CCDC88C: variants seen among roughly 807,000 people sequenced by gnomAD.
CCDC88C encodes the protein protein Daple.
A neutral mutation model predicts 198.8 loss-of-function variants in CCDC88C; 131 were observed. The ratio of observed to expected loss-of-function variants is 0.66; its 90% CI spans 0.57 to 0.76. The LOEUF (loss-of-function observed/expected upper bound fraction) is 0.76. CCDC88C is among the 30% of genes least tolerant of loss of function. CCDC88C has a pLI of 0.00. For missense variants in CCDC88C, 2,553 were observed against 2,631.6 expected, an observed-to-expected ratio of 0.97 and a Z score of 0.65; for synonymous variants, 1,166 against 1,114.7, an observed-to-expected ratio of 1.05 and a Z score of -0.92.
chr14:91,359,523 G>T, intron 4 of CCDC88C, 119 bp downstream of exon 4: 2 of 740,400 alleles, frequency 2.7e-6, no homozygotes, highest in South Asian at 3.2e-5. Context: ...TCACCAAAAC[G>T]ATCACGTGTT....
Position 91,338,338 on chromosome 14 carries a change from A to G in CCDC88C, c.891+151T>C, listed in dbSNP as rs1596085645. On this transcript the variant is annotated intron_variant, in intron 9 of 29. Coordinates refer to ENST00000389857, the MANE Select transcript of CCDC88C (RefSeq NM_001080414.4). The surrounding 1 kb of genome is among the most constrained non-coding windows in gnomAD (Gnocchi z 4.8). ...GGGATCTCCACCTGCTGTCACTAAG[A>G]AACAGGGTCATCCCCATAGCCGTGC... The G allele has an allele frequency of 4.3e-6, 4 of 934,364 alleles. No homozygotes were observed. In the East Asian group the frequency reaches 1.1e-4, roughly 25 times the overall value. The allele number at this position is 934,364 out of a possible 1,614,324, so 57.9% of individuals were successfully genotyped here. A position where few individuals can be genotyped will look rare whatever the true frequency, so the allele number is the denominator to read the frequency against.
chr14:91,336,888 C>T (rs1018395447), intron 10 of CCDC88C, among the ~76,000 whole-genome samples: 11 of 152,242 alleles, frequency 7.2e-5, no homozygotes, highest in African/African-American at 2.4e-4. Context: ...CCGGCAAGCC[C>T]GACAGCTCCA....
intron 4 of CCDC88C, among the ~76,000 whole-genome samples, chr14:91,358,884 A>G (rs1254799799): frequency 6.6e-6 from 1 of 152,156 alleles, no homozygotes; most frequent in Non-Finnish European, 1.5e-5. Context: ...GCTGAGTCCA[A>G]CAGGGAGACA....
At chr14:91,333,908 A>G (rs1285551546) in intron 10 of CCDC88C, among the ~76,000 whole-genome samples, 1 of 152,222 alleles carries the variant, frequency 6.6e-6, no homozygotes, top group East Asian at 1.9e-4. Flanking sequence ...CAGTATTTTT[A>G]ACTGTTTCAC....
At chr14:91,299,788 C>T in intron 21 of CCDC88C, 139 bp downstream of exon 21, 1 of 1,179,004 alleles carries the variant, frequency 8.5e-7, no homozygotes, top group Admixed American at 3.0e-5. Flanking sequence ...GCTTATTTTA[C>T]CCACCCAGCT....
chr14:91,351,769 T>C (rs1449250370), intron 4 of CCDC88C, among the ~76,000 whole-genome samples: 1 of 152,064 alleles, frequency 6.6e-6, no homozygotes, highest in African/African-American at 2.4e-5. Flanking sequence ...CTCTAGTGTC[T>C]CTCTGCTGCC....
Position 91,314,157 on chromosome 14 carries a change from G to GA in CCDC88C, c.1666-8dup. The GA allele has an allele frequency of 6.2e-7, 1 of 1,600,568 alleles. No homozygotes were observed. Among genetic ancestry groups the GA allele is most frequent in the Non-Finnish European group, 8.5e-7 (1 of 1,173,812 alleles). On this transcript the variant is annotated splice_region_variant and splice_polypyrimidine_tract_variant and intron_variant, in intron 14 of 29. Transcript: ENST00000389857. ...CCTGCTCAAGGTCCTTGATCTACGG[G>GA]AAAACACAACAGGCACAACCCAGGC...
intron 3 of CCDC88C, among the ~76,000 whole-genome samples, chr14:91,360,054 T>C (rs1894236284): frequency 6.6e-6 from 1 of 152,218 alleles, no homozygotes. Flanking sequence ...ATAGATGACA[T>C]GCTAGGACAG....
chr14:91,294,061 A>T, intron 23 of CCDC88C, 112 bp downstream of exon 23: 1 of 1,233,334 alleles, frequency 8.1e-7, no homozygotes, highest in Non-Finnish European at 1.2e-6. Context: ...TGCCCTCAGG[A>T]TCCCAACGGG....
chr14:91,383,501 A>G (rs1232414201), intron 3 of CCDC88C, among the ~76,000 whole-genome samples: 2 of 152,102 alleles, frequency 1.3e-5, no homozygotes, highest in African/African-American at 4.8e-5. Flanking sequence ...AAGGGGGTGG[A>G]GAAAGTGGGG....
chr14:91,416,828 A>G lies in CCDC88C; in HGVS notation c.71T>C (p.Phe24Ser), dbSNP rs1753646398. 1.2e-6 allele frequency: 2 copies of G among 1,612,902 alleles called. No individual in the cohort carries two copies. The highest frequency in any genetic ancestry group is 1.7e-6 in the Non-Finnish European group (2 of 1,179,336). ...CTGGCTGCCGCTTCCAAACGGGCCA[A>G]AAGTTTTCACCTGCGGGGAGGGGGA... ...QSPLVTWVKT[F>S]GPFGSGSQDN... is the part of the protein sequence containing the mutation. Residue 24 changes from phenylalanine to serine, a missense_variant, in exon 2 of 30, where the codon TTT becomes TCT. Physicochemically the swap from Phe to Ser is radical, Grantham distance 155. Around this residue, in one of 2 missense-constraint regions of CCDC88C, gnomAD observed 1,260 missense variants for 1,412.0 expected, o/e 0.89. Coordinates refer to ENST00000389857, the MANE Select transcript of CCDC88C (RefSeq NM_001080414.4).
At position 91,397,705 on chromosome 14, in the gene CCDC88C, C is replaced by A. The variant is rs940968006; in HGVS notation, c.270+10954G>T. 1.1e-4 allele frequency among the ~76,000 whole-genome samples: 16 copies of A among 152,360 alleles called. 1 individual carries two copies. The South Asian group carries it at 3.3e-3, about 32-fold the overall frequency. ...AGTTTCAGAGGTGCCTGAAGCAACC[C>A]GGTCCCTTCCTCTGGGCTCCAGGCT... On this transcript the variant is annotated intron_variant, in intron 3 of 29. Transcript: ENST00000389857.
At chr14:91,278,237 G>T in intron 28 of CCDC88C, 26 bp from the exon 29 acceptor site, 2 of 1,567,684 alleles carry the variant, frequency 1.3e-6, no homozygotes, top group Non-Finnish European at 1.7e-6. Flanking sequence ...GGAGACAGAG[G>T]ACCCTCATCA....
At chr14:91,302,939 G>C (rs1035138899) in intron 20 of CCDC88C, among the ~76,000 whole-genome samples, 2 of 152,162 alleles carry the variant, frequency 1.3e-5, no homozygotes, top group African/African-American at 4.8e-5. Context: ...GGCCCCAAAG[G>C]CCCACTGGAA....
chr14:91,361,345 G>A (rs978910899), intron 3 of CCDC88C, among the ~76,000 whole-genome samples: 1 of 152,152 alleles, frequency 6.6e-6, no homozygotes, highest in African/African-American at 2.4e-5. Context: ...ACTAGCACTC[G>A]AGAAGAAGAG....
chr14:91,309,509 C>G (rs1483811234), intron 16 of CCDC88C, among the ~76,000 whole-genome samples: 1 of 150,844 alleles, frequency 6.6e-6, no homozygotes, highest in Non-Finnish European at 1.5e-5. Flanking sequence ...TGGTCTCCAG[C>G]TAGGGCTGGA....
chr14:91,323,884 G>C (rs1017022852), intron 12 of CCDC88C, among the ~76,000 whole-genome samples: 6 of 152,260 alleles, frequency 3.9e-5, no homozygotes, highest in African/African-American at 1.4e-4. Flanking sequence ...TTCTCACACA[G>C]ATTCACAGTG....
In CCDC88C at chr14:91,313,387, T is replaced by C. The variant is rs367893633; in HGVS notation, c.2429A>G (p.Asn810Ser). 56 of 1,609,142 alleles carry C rather than the reference T, an allele frequency of 3.5e-5. No homozygotes were observed. The East Asian group carries it at 5.8e-4, about 17-fold the overall frequency. Residue 810 changes from asparagine to serine, a missense_variant, in exon 15 of 30, where the codon AAT (asparagine) becomes AGT (serine). By Grantham distance (46) the Asn-to-Ser change is conservative. Coordinates refer to ENST00000389857, the MANE Select transcript of CCDC88C (RefSeq NM_001080414.4). This position sits in a 1 kb window ranked among gnomAD's most constrained non-coding sequence, Gnocchi z 5.2. Reference protein sequence around the residue: ...RRDLEALRLANAQLEGAEKDR... With the variant: ...RRDLEALRLASAQLEGAEKDR... ...CTTCTCGGCCCCCTCCAACTGTGCA[T>C]TGGCCAGCCGGAGGGCCTCCAGGTC...
At chr14:91,379,102 T>G (rs917804052) in intron 3 of CCDC88C, 15 of 152,190 alleles carry the variant, frequency 9.9e-5, no homozygotes, top group African/African-American at 3.6e-4. Flanking sequence ...CACCAGCAGC[T>G]GAGGAAAAGC....
Sources: allele counts gnomAD v4.1 joint callset (sites outside exome capture counted in the v4.1 genomes callset), GRCh38; gene constraint gnomAD v4.1.1; regional missense constraint gnomAD v4.1.1; non-coding constraint Gnocchi (gnomAD v3.1); transcripts MANE v1.5; gene names NCBI Gene and HGNC (gene_info 2026-07-23, HGNC 2026-07-21).